ERC2: variants seen among roughly 807,000 people sequenced by gnomAD.
ERC2 encodes the protein ELKS/RAB6-interacting/CAST family member 2, also known as ERC protein 2.
Under a neutral mutation model 114.8 loss-of-function variants are expected in ERC2, and 42 were observed. The observed-to-expected ratio is 0.37, with a 90% confidence interval of 0.29 to 0.47. The LOEUF (loss-of-function observed/expected upper bound fraction) is 0.47, where lower values mean the gene tolerates loss of function less well. Ranked by LOEUF, ERC2 falls within the 20% of genes least tolerant of loss-of-function variation. The pLI, the probability that ERC2 is intolerant of heterozygous loss-of-function variation, is 0.99. For synonymous variants in ERC2, 454 were observed against 425.5 expected, an observed-to-expected ratio of 1.07 and a Z score of -0.82; for missense variants, 939 against 1,150.7, an observed-to-expected ratio of 0.82 and a Z score of 2.66.
intron 2 of ERC2, among the ~76,000 whole-genome samples, chr3:56,393,014 T>C (rs925742148): frequency 5.3e-5 from 8 of 152,198 alleles, no homozygotes; most frequent in African/African-American, 1.9e-4. Context: ...CCTAGGGTCT[T>C]CACATCTGCT....
rs1338437276 is a variant in ERC2 at position 56,126,860 on chromosome 3, G to GGAAAGGAAAGGAAAA, written c.1473+12648_1473+12649insTTTTCCTTTCCTTTC. Reference sequence around the variant, plus strand: ...GGAAAGGAAAGGAAAGGAAAAGAAAGGCAAGGCAAGGCAAGGCAAGGCAAG... The same window carrying GGAAAGGAAAGGAAAA: ...GGAAAGGAAAGGAAAGGAAAAGAAAGGAAAGGAAAGGAAAAGCAAGGCAAGGCAAGGCAAGGCAAG... On this transcript the variant is annotated intron_variant, in intron 6 of 17. Transcript: ENST00000288221. Among the ~76,000 whole-genome samples, 249 of 136,910 alleles carry GGAAAGGAAAGGAAAA rather than the reference G, an allele frequency of 1.8e-3. 3 individuals carry two copies. Among genetic ancestry groups the GGAAAGGAAAGGAAAA allele is most frequent in the African/African-American group, 4.8e-3 (172 of 35,960 alleles). 89.8% of individuals were successfully genotyped at this position (136,910 alleles called of 152,430 possible).
chr3:55,721,241 G>A (rs1233074910), intron 15 of ERC2, among the ~76,000 whole-genome samples: 2 of 152,172 alleles, frequency 1.3e-5, no homozygotes, highest in Admixed American at 6.5e-5. Flanking sequence ...CTGCAAAGTG[G>A]GCATAATGAT....
At chr3:55,683,772 G>T (rs1332465516) in intron 17 of ERC2, 22 bp downstream of exon 17, 4 of 1,581,602 alleles carry the variant, frequency 2.5e-6, no homozygotes, top group African/African-American at 2.7e-5. Context: ...TAATAAAAAT[G>T]ATATAAAAGA....
intron 14 of ERC2, among the ~76,000 whole-genome samples, chr3:55,864,600 A>G (rs1452219554): frequency 6.6e-6 from 1 of 152,154 alleles, no homozygotes; most frequent in African/African-American, 2.4e-5. Context: ...CCAAAAGATA[A>G]TATTTTATCA....
intron 5 of ERC2, among the ~76,000 whole-genome samples, chr3:56,148,153 T>C (rs1470969555): frequency 6.6e-6 from 1 of 152,230 alleles, no homozygotes; most frequent in Non-Finnish European, 1.5e-5. Context: ...CCCAATGACG[T>C]AGGTATTTTT....
chr3:55,749,887 C>A (rs1219846728), intron 14 of ERC2, among the ~76,000 whole-genome samples: 1 of 152,156 alleles, frequency 6.6e-6, no homozygotes, highest in African/African-American at 2.4e-5. Context: ...CGACTTCATT[C>A]TTGAAGTCGG....
intron 4 of ERC2, among the ~76,000 whole-genome samples, chr3:56,171,236 T>C: frequency 6.6e-6 from 1 of 152,150 alleles, no homozygotes; most frequent in Non-Finnish European, 1.5e-5. Flanking sequence ...TTCCCACCAA[T>C]TTCACAGGGG....
chr3:56,282,075 A>G (rs181010894), intron 3 of ERC2, among the ~76,000 whole-genome samples: 1 of 152,312 alleles, frequency 6.6e-6, no homozygotes, highest in East Asian at 1.9e-4. Flanking sequence ...TGCATAGGTC[A>G]TGTCACTTGA....
intron 10 of ERC2, among the ~76,000 whole-genome samples, chr3:55,993,595 T>C (rs575422672): frequency 6.6e-6 from 1 of 152,150 alleles, no homozygotes; most frequent in Admixed American, 6.5e-5. Context: ...TAACATATTA[T>C]TTAAGCATGA....
intron 2 of ERC2, among the ~76,000 whole-genome samples, chr3:56,422,819 A>G (rs143154658): frequency 6.6e-6 from 1 of 152,288 alleles, no homozygotes; most frequent in East Asian, 1.9e-4. Flanking sequence ...TCTCTTGCAT[A>G]AAATAGAGAT....
intron 7 of ERC2, among the ~76,000 whole-genome samples, chr3:56,032,917 A>AAGAGAGAGAGAC (rs2074481749): frequency 9.2e-5 from 7 of 76,040 alleles, no homozygotes; most frequent in African/African-American, 2.0e-4. Flanking sequence ...GAAAGAAAGA[A>AAGAGAGAGAGAC]AGAAAGAAAG....
At chr3:56,396,609 T>C (rs537114285) in intron 2 of ERC2, among the ~76,000 whole-genome samples, 1 of 152,340 alleles carries the variant, frequency 6.6e-6, no homozygotes, top group South Asian at 2.1e-4. Flanking sequence ...TATTCTCAGT[T>C]TAATGACATA....
Position 56,038,648 on chromosome 3 carries a change from G to A in ERC2, c.1642-19617C>T, listed in dbSNP as rs138502201. Among the ~76,000 whole-genome samples the A allele has an allele frequency of 4.6e-3, 702 of 152,236 alleles. 6 individuals carry two copies. The highest frequency in any genetic ancestry group is 0.016 in the African/African-American group (672 of 41,538). On this transcript the variant is annotated intron_variant, in intron 7 of 17. Transcript: ENST00000288221. ...TATACGCATGTGTATGTTCATTGCA[G>A]CACTATTCGCAATAGCAAAGACATG...
intron 13 of ERC2, among the ~76,000 whole-genome samples, chr3:55,945,228 G>T (rs1393564962): frequency 6.6e-6 from 1 of 152,110 alleles, no homozygotes; most frequent in African/African-American, 2.4e-5. Context: ...TCTACACCAT[G>T]CCTACCAAAC....
intron 2 of ERC2, among the ~76,000 whole-genome samples, chr3:56,308,007 C>T (rs978507523): frequency 6.6e-6 from 1 of 152,156 alleles, no homozygotes; most frequent in Admixed American, 6.5e-5. Context: ...CTTTGCTTAG[C>T]TATAGCTAGA....
In ERC2 at chr3:55,518,696, GA is replaced by G. The variant is rs1054800557; in HGVS notation, c.*40-7421del. On this transcript the variant is annotated intron_variant, in intron 17 of 17. Coordinates refer to ENST00000288221, the MANE Select transcript of ERC2 (RefSeq NM_015576.3). ...AGGCAATGAAGTAGTTACTAGAAAA[GA>G]AAAAAAAAGTTCATTAAGTACATTT... 1.6e-4 allele frequency among the ~76,000 whole-genome samples: 24 copies of G among 151,236 alleles called. No homozygotes were observed. In the South Asian group the frequency reaches 1.7e-3, roughly 11 times the overall value.
chr3:55,997,699 T>C (rs2071631795), intron 10 of ERC2, among the ~76,000 whole-genome samples: 1 of 149,890 alleles, frequency 6.7e-6, no homozygotes, highest in Admixed American at 6.7e-5. Flanking sequence ...AGTAGAATGA[T>C]AGTTAAGCTG....
At chr3:55,945,277 C>A (rs1371565451) in intron 13 of ERC2, among the ~76,000 whole-genome samples, 2 of 152,142 alleles carry the variant, frequency 1.3e-5, no homozygotes, top group Non-Finnish European at 2.9e-5. Flanking sequence ...CTCATTTTGA[C>A]AATGATGAAT....
intron 15 of ERC2, among the ~76,000 whole-genome samples, chr3:55,700,161 T>C (rs1192317522): frequency 6.6e-6 from 1 of 152,216 alleles, no homozygotes; most frequent in Non-Finnish European, 1.5e-5. Flanking sequence ...CCACGATGCC[T>C]GTCACATGAG....
Sources: gnomAD v4.1 joint callset for allele counts (sites outside exome capture counted in the v4.1 genomes callset) on GRCh38, gnomAD v4.1.1 for gene constraint, MANE v1.5 for transcripts, NCBI Gene and HGNC (gene_info 2026-07-23, HGNC 2026-07-21) for gene names.